Variants in GRIK2 observed in about 807,000 individuals in gnomAD.
GRIK2 encodes the protein glutamate ionotropic receptor kainate type subunit 2.
In GRIK2, 32 loss-of-function variants were observed where a neutral mutation model predicts 100.3. That is an observed-to-expected ratio of 0.32 (90% CI 0.24 to 0.43). GRIK2 has a LOEUF of 0.43. GRIK2 is among the 20% of genes least tolerant of loss of function. The probability of loss-of-function intolerance (pLI) is 1.00; values close to 1 mark genes in which losing one functional copy is unlikely to be tolerated. For synonymous variants in GRIK2, 417 were observed against 389.4 expected (o/e 1.07, Z -0.83); for missense variants, 843 against 1,114.9 (o/e 0.76, Z 3.47).
At chr6:102,043,620 T>G (rs1770717997) in intron 15 of GRIK2, among the ~76,000 whole-genome samples, 1 of 151,876 alleles carries the variant, frequency 6.6e-6, no homozygotes, top group Non-Finnish European at 1.5e-5. Flanking sequence ...AGTATTCCAT[T>G]GTGTGTATAT....
chr6:101,966,658 A>C (rs1313451312), intron 14 of GRIK2, among the ~76,000 whole-genome samples: 1 of 152,088 alleles, frequency 6.6e-6, no homozygotes, highest in East Asian at 1.9e-4. Flanking sequence ...TGGATAAAGG[A>C]AGAGGGACGA....
At chr6:101,533,071 A>G (rs1341902751) in intron 2 of GRIK2, among the ~76,000 whole-genome samples, 1 of 151,916 alleles carries the variant, frequency 6.6e-6, no homozygotes, top group African/African-American at 2.4e-5. Context: ...TTTCCATGAC[A>G]TTATCAACAT....
chr6:101,822,827 T>C (rs941619864), intron 10 of GRIK2, among the ~76,000 whole-genome samples: 1 of 152,056 alleles, frequency 6.6e-6, no homozygotes, highest in African/African-American at 2.4e-5. Context: ...GGTGGAGTAG[T>C]TGTAGGGTTT....
At chr6:101,654,990 C>T (rs1394432444) in intron 4 of GRIK2, among the ~76,000 whole-genome samples, 1 of 152,142 alleles carries the variant, frequency 6.6e-6, no homozygotes, top group Non-Finnish European at 1.5e-5. Flanking sequence ...GTACAACTAA[C>T]TTTGACCTTT....
chr6:101,911,825 A>AAT (rs1788712591), intron 12 of GRIK2, among the ~76,000 whole-genome samples: 1 of 151,498 alleles, frequency 6.6e-6, no homozygotes, highest in East Asian at 1.9e-4. Context: ...ATTACACAAT[A>AAT]ATACACACAC....
intron 1 of GRIK2, among the ~76,000 whole-genome samples, chr6:101,396,582 A>G (rs908745770): frequency 2.0e-5 from 3 of 152,200 alleles, no homozygotes; most frequent in Non-Finnish European, 4.4e-5. Flanking sequence ...AATACACACA[A>G]CACAGTTGAT....
At chr6:101,780,330 A>T (rs904342188) in intron 7 of GRIK2, among the ~76,000 whole-genome samples, 9 of 152,026 alleles carry the variant, frequency 5.9e-5, no homozygotes, top group African/African-American at 1.9e-4. Flanking sequence ...GGAGGCAGGG[A>T]TTATAATTGT....
chr6:101,458,467 G>A (rs1049399355), intron 2 of GRIK2, among the ~76,000 whole-genome samples: 1 of 152,202 alleles, frequency 6.6e-6, no homozygotes, highest in Non-Finnish European at 1.5e-5. Context: ...GAGTCTGGCT[G>A]CTGGCCCAGG....
intron 14 of GRIK2, among the ~76,000 whole-genome samples, chr6:101,952,169 C>T (rs992831544): frequency 1.3e-5 from 2 of 152,224 alleles, no homozygotes; most frequent in African/African-American, 4.8e-5. Context: ...TATGACGGAA[C>T]CATCCAGTAT....
chr6:101,930,203 G>T (rs1402306527), intron 14 of GRIK2, among the ~76,000 whole-genome samples: 1 of 151,908 alleles, frequency 6.6e-6, no homozygotes, highest in Non-Finnish European at 1.5e-5. Context: ...TTAGTGTGGT[G>T]TGGTGGCATG....
chr6:102,055,692 C>A, intron 16 of GRIK2, 112 bp downstream of exon 16: 1 of 703,800 alleles, frequency 1.4e-6, no homozygotes, highest in Non-Finnish European at 2.4e-6. Flanking sequence ...AGAACTATTG[C>A]TCTAAATTGT....
chr6:101,580,052 A>T (rs1295588577), intron 2 of GRIK2, among the ~76,000 whole-genome samples: 1 of 152,026 alleles, frequency 6.6e-6, no homozygotes. Context: ...ACTTCTTCAC[A>T]TCTTATTCTA....
chr6:101,563,601 T>G (rs1219650827), intron 2 of GRIK2, among the ~76,000 whole-genome samples: 1 of 152,194 alleles, frequency 6.6e-6, no homozygotes, highest in Non-Finnish European at 1.5e-5. Flanking sequence ...TTTTAAAGGC[T>G]GAATATCTGA....
At chr6:101,626,720 T>C in intron 4 of GRIK2, 83 bp downstream of exon 4, 2 of 1,208,634 alleles carry the variant, frequency 1.7e-6, no homozygotes, top group Non-Finnish European at 2.3e-6. Flanking sequence ...TATTGTATTC[T>C]TATGTGCTTT....
intron 7 of GRIK2, among the ~76,000 whole-genome samples, chr6:101,691,705 T>C (rs1032031233): frequency 1.3e-5 from 2 of 152,140 alleles, no homozygotes; most frequent in Non-Finnish European, 2.9e-5. Flanking sequence ...GGTGAGTCTT[T>C]ATGTGTTTTA....
chr6:102,061,142 C>A (rs1771730189), intron 16 of GRIK2, among the ~76,000 whole-genome samples: 2 of 150,438 alleles, frequency 1.3e-5, no homozygotes, highest in African/African-American at 4.8e-5. Context: ...TGATCTACTT[C>A]CAAATCAGCT....
At chr6:101,815,128 G>C (rs1459156734) in intron 9 of GRIK2, among the ~76,000 whole-genome samples, 1 of 152,108 alleles carries the variant, frequency 6.6e-6, no homozygotes, top group Non-Finnish European at 1.5e-5. Context: ...TAAAAGCTGG[G>C]CCATTAACAA....
At chr6:102,015,308 TTTATTTTGAGCCAGTTACTG>T (rs1795776791) in intron 14 of GRIK2, among the ~76,000 whole-genome samples, 2 of 152,164 alleles carry the variant, frequency 1.3e-5, no homozygotes, top group Non-Finnish European at 2.9e-5. Context: ...TCTCCATCCC[TTTATTTTGAGCCAGTTACTG>T]TGATTGCATG....
At chr6:101,503,859 G>T (rs532560754) in intron 2 of GRIK2, among the ~76,000 whole-genome samples, 2 of 152,174 alleles carry the variant, frequency 1.3e-5, no homozygotes, top group East Asian at 3.9e-4. Context: ...GATTGTAGAA[G>T]CAAACAAGAT....
Sources: allele counts gnomAD v4.1 joint callset (sites outside exome capture counted in the v4.1 genomes callset), GRCh38; gene constraint gnomAD v4.1.1; transcripts MANE v1.5; gene names NCBI Gene and HGNC (gene_info 2026-07-23, HGNC 2026-07-21).